Variants in SPTBN4 observed in about 807,000 individuals in gnomAD.
The protein encoded by SPTBN4 is spectrin beta, non-erythrocytic 4, also known as spectrin beta chain, non-erythrocytic 4.
SPTBN4 carries 96 observed loss-of-function variants against 277.8 expected under a neutral mutation model. The ratio of observed to expected loss-of-function variants is 0.35; its 90% CI spans 0.29 to 0.41. SPTBN4 has a LOEUF of 0.41. Ranked by LOEUF, SPTBN4 falls within the 10% of genes least tolerant of loss-of-function variation. SPTBN4 has a pLI of 1.00. For missense variants in SPTBN4, 3,006 were observed against 3,595.7 expected (o/e 0.84, Z 4.19); for synonymous variants, 1,481 against 1,580.3 (o/e 0.94, Z 1.49).
rs892816351 is a variant in SPTBN4 at position 40,572,461 on chromosome 19, C to A, written c.7536+81C>A. 26 of 1,540,288 alleles carry A rather than the reference C, an allele frequency of 1.7e-5. No individual in the cohort carries two copies. The South Asian group carries it at 2.0e-4, about 12-fold the overall frequency. ...TGGCTCCTGACCCAGAGTGATGGGG[C>A]TGTGAGAAGGGACACTCACAGGCCA... is the stretch of plus-strand genomic sequence containing the variant. On this transcript the variant is annotated intron_variant, in intron 35 of 35. Coordinates refer to ENST00000598249, the MANE Select transcript of SPTBN4 (RefSeq NM_020971.3).
chr19:40,528,985 A>G (rs1352455422), intron 17 of SPTBN4, 56 bp from the exon 18 acceptor site: 1 of 1,395,214 alleles, frequency 7.2e-7, no homozygotes, highest in Non-Finnish European at 1.0e-6. Flanking sequence ...TCCTACTGCC[A>G]GCGCCGCACC....
intron 13 of SPTBN4, among the ~76,000 whole-genome samples, chr19:40,508,498 C>T (rs1023732913): frequency 7.2e-5 from 11 of 152,268 alleles, no homozygotes; most frequent in African/African-American, 2.6e-4. Context: ...ACCAGCCTGG[C>T]CAACATGGTG....
Position 40,520,014 on chromosome 19 carries a change from T to C in SPTBN4, c.3517T>C (p.Trp1173Arg). 1 of 1,560,112 alleles carries C rather than the reference T, an allele frequency of 6.4e-7. No homozygotes were observed. The highest frequency in any genetic ancestry group is 8.6e-7 in the Non-Finnish European group (1 of 1,157,406). The change falls in exon 16 of 36, where the codon TGG becomes CGG. Residue 1173 changes from tryptophan (W) to arginine (R), a missense_variant. By Grantham distance (101) the Trp-to-Arg change is moderately radical (BLOSUM62 -3). Around this residue, in one of 5 missense-constraint regions of SPTBN4, gnomAD observed 1,759 missense variants for 2,061.5 expected, o/e 0.85. Coordinates refer to ENST00000598249, the MANE Select transcript of SPTBN4 (RefSeq NM_020971.3). ...GGGCCCGGGCCTGGCACTAGACGAG[T>C]GGCTGCCACACCTCGAACTTGGCTG... is the stretch of plus-strand genomic sequence containing the variant. ...ELGPGLALDEWLPHLELGWHK... is the reference protein window; with the variant it reads ...ELGPGLALDERLPHLELGWHK...
chr19:40,490,344 C>A lies in SPTBN4; in HGVS notation c.495+96C>A. The A allele has an allele frequency of 7.1e-7, 1 of 1,400,252 alleles. No homozygotes were observed. Among genetic ancestry groups the A allele is most frequent in the South Asian group, 1.4e-5 (1 of 69,686 alleles). 86.7% of individuals were successfully genotyped at this position (1,400,252 alleles called of 1,614,324 possible). ...ATTCATTCTTTCCTTCCAATAATAT[C>A]CTAATATGCTGGAATCCTATTCCAG... On this transcript the variant is annotated intron_variant, in intron 4 of 35. Transcript: ENST00000598249. This position sits in a 1 kb window ranked among gnomAD's most constrained non-coding sequence, Gnocchi z 4.3.
chr19:40,531,033 CT>C (rs2080663786), intron 18 of SPTBN4, among the ~76,000 whole-genome samples: 1 of 148,962 alleles, frequency 6.7e-6, no homozygotes, highest in South Asian at 2.1e-4. Flanking sequence ...AGGTGAATCA[CT>C]TTTGGGGGGC....
Position 40,487,828 on chromosome 19 carries a change from G to C in SPTBN4, c.301G>C (p.Val101Leu), listed in dbSNP as rs1342967509. The C allele has an allele frequency of 1.9e-6, 3 of 1,608,238 alleles. No homozygotes were observed. The highest frequency in any genetic ancestry group is 2.5e-6 in the Non-Finnish European group (3 of 1,177,406). Residue 101 changes from valine (V) to leucine (L), a missense_variant, in exon 3 of 36, where the codon GTG (valine) becomes CTG (leucine). Val to Leu is a conservative substitution (Grantham distance 32, BLOSUM62 1). Transcript: ENST00000598249. ...DGFVLTRLLE[V>L]LSGEQLPRPT... Reference sequence around the variant, plus strand: ...CTTCGTGCTCACGCGGCTCCTGGAAGTGCTGTCTGGGGAGCAGCTGGTGAG... The same window carrying C: ...CTTCGTGCTCACGCGGCTCCTGGAACTGCTGTCTGGGGAGCAGCTGGTGAG...
chr19:40,488,022 C>A (rs1251269815), intron 3 of SPTBN4, among the ~76,000 whole-genome samples, 174 bp downstream of exon 3: 1 of 152,004 alleles, frequency 6.6e-6, no homozygotes, highest in Admixed American at 6.6e-5. Flanking sequence ...GGGGCTGTGG[C>A]GCTGGGGCGG....
In SPTBN4 at chr19:40,513,562, C is replaced by T. The variant is rs767590000; in HGVS notation, c.2765+8C>T. 3 of 1,548,916 alleles carry T rather than the reference C, an allele frequency of 1.9e-6. No individual in the cohort carries two copies. The highest frequency in any genetic ancestry group is 2.7e-5 in the African/African-American group (2 of 73,024). On this transcript the variant is annotated splice_region_variant and intron_variant, in intron 14 of 35. Coordinates refer to ENST00000598249, the MANE Select transcript of SPTBN4 (RefSeq NM_020971.3). ...CGAGGTGGTGCAGCACCGGTGAGCG[C>T]GCACATGTGGGACTCCGGGGTCCCC...
chr19:40,527,410 A>T (rs1438002046), intron 17 of SPTBN4, among the ~76,000 whole-genome samples: 1 of 152,216 alleles, frequency 6.6e-6, no homozygotes, highest in East Asian at 1.9e-4. Context: ...CAAAACAGAC[A>T]AAAATCCCTG....
chr19:40,543,118 G>A (rs2080819951), intron 20 of SPTBN4, among the ~76,000 whole-genome samples: 1 of 152,120 alleles, frequency 6.6e-6, no homozygotes, highest in South Asian at 2.1e-4. Flanking sequence ...CCATGGGAAA[G>A]AGAGCATCTC....
chr19:40,523,750 C>A, intron 17 of SPTBN4, 111 bp downstream of exon 17: 1 of 965,010 alleles, frequency 1.0e-6, no homozygotes, highest in Non-Finnish European at 1.5e-6. Flanking sequence ...ATTTCTGCTT[C>A]TCTGGGGCTC....
Position 40,519,875 on chromosome 19 carries a change from C to T in SPTBN4, c.3378C>T (p.Asp1126=). 6.7e-7 allele frequency: 1 copy of T among 1,502,450 alleles called. No individual in the cohort carries two copies. Among genetic ancestry groups the T allele is most frequent in the East Asian group, 2.6e-5 (1 of 38,856 alleles). 93.1% of individuals were successfully genotyped at this position (1,502,450 alleles called of 1,614,324 possible). A position where few individuals can be genotyped will look rare whatever the true frequency, so the allele number is the denominator to read the frequency against. ...TGCCCAACAGCCTAGAAGAGGCGGA[C>T]GCGCTGCTGGCGCGCCACGCTGCGC... ...GPLPNSLEEA[D]ALLARHAALK... is the part of the protein sequence containing the mutation. The change falls in exon 16 of 36, where the codon GAC becomes GAT. Residue 1126 remains aspartate (D), a synonymous_variant. Transcript: ENST00000598249. The surrounding 1 kb of genome is among the most constrained non-coding windows in gnomAD (Gnocchi z 5.7).
chr19:40,478,102 A>G (rs563572529), intron 2 of SPTBN4, among the ~76,000 whole-genome samples: 5 of 152,092 alleles, frequency 3.3e-5, no homozygotes, highest in Non-Finnish European at 7.4e-5. Context: ...AGCTTCCCAA[A>G]GTGCTGGGAT....
intron 30 of SPTBN4, 24 bp downstream of exon 30, chr19:40,566,383 A>C (rs2081092574): frequency 6.7e-7 from 1 of 1,488,092 alleles, no homozygotes; most frequent in Non-Finnish European, 9.0e-7. Context: ...ATACTGCCCC[A>C]TTACCCCCAC....
chr19:40,549,509 C>G, intron 21 of SPTBN4, 96 bp downstream of exon 21: 1 of 978,926 alleles, frequency 1.0e-6, no homozygotes, highest in Non-Finnish European at 1.4e-6. Context: ...ACGGCTGAGA[C>G]CCTCCCACTC....
rs1220738293 is a variant in SPTBN4 at position 40,472,740 on chromosome 19, C to T, written c.119C>T (p.Ser40Phe). ...RGWEREQPAA[S>F]TAAASLFECS... Reference sequence around the variant, plus strand: ...TGGGAGCGGGAGCAGCCGGCTGCGTCCACCGCAGCGGCCTCGCTCTTTGAG... The same window carrying T: ...TGGGAGCGGGAGCAGCCGGCTGCGTTCACCGCAGCGGCCTCGCTCTTTGAG... The change falls in exon 2 of 36, where the codon TCC (serine) becomes TTC (phenylalanine). Residue 40 changes from serine (S) to phenylalanine (F), a missense_variant. Coordinates refer to ENST00000598249, the MANE Select transcript of SPTBN4 (RefSeq NM_020971.3). 1.9e-6 allele frequency: 3 copies of T among 1,606,430 alleles called. No individual in the cohort carries two copies. Among genetic ancestry groups the T allele is most frequent in the Non-Finnish European group, 2.6e-6 (3 of 1,176,388 alleles).
intron 2 of SPTBN4, among the ~76,000 whole-genome samples, chr19:40,487,154 G>C (rs1313440986): frequency 1.3e-5 from 2 of 151,712 alleles, no homozygotes. Context: ...TCCTGCCTCA[G>C]TCTCCCGAGT....
At chr19:40,533,724 G>A (rs1292442201) in intron 19 of SPTBN4, among the ~76,000 whole-genome samples, 1 of 151,630 alleles carries the variant, frequency 6.6e-6, no homozygotes, top group Non-Finnish European at 1.5e-5. Flanking sequence ...CTCTCCCCAT[G>A]TTTCTGATTT....
intron 33 of SPTBN4, 111 bp downstream of exon 33, chr19:40,570,839 G>A: frequency 2.4e-6 from 3 of 1,247,326 alleles, no homozygotes; most frequent in South Asian, 3.4e-5. Context: ...CCTCCAGCAG[G>A]TGGCGGTAGT....
Sources: allele counts gnomAD v4.1 joint callset (sites outside exome capture counted in the v4.1 genomes callset), GRCh38; gene constraint gnomAD v4.1.1; regional missense constraint gnomAD v4.1.1; non-coding constraint Gnocchi (gnomAD v3.1); transcripts MANE v1.5; gene names NCBI Gene and HGNC (gene_info 2026-07-23, HGNC 2026-07-21).